The following STX18 variants were observed in gnomAD, a reference collection of about 807,000 sequenced individuals.
STX18 encodes syntaxin 18.
Under a neutral mutation model 50.1 loss-of-function variants are expected in STX18, and 40 were observed. That is an observed-to-expected ratio of 0.80 (90% confidence interval 0.62 to 1.04). The LOEUF (loss-of-function observed/expected upper bound fraction) is 1.04, where lower values mean the gene tolerates loss of function less well. Ranked by LOEUF, STX18 falls within the 50% of genes least tolerant of loss-of-function variation. The pLI is 0.00. For synonymous variants in STX18, 158 were observed against 151.8 expected (o/e 1.04, Z -0.30); for missense variants, 410 against 415.8 (o/e 0.99, Z 0.12).
chr4:4,456,591 G>T (rs1412220500), intron 5 of STX18, among the ~76,000 whole-genome samples: 1 of 152,194 alleles, frequency 6.6e-6, no homozygotes. Context: ...GTCCTTACCT[G>T]CTGACAGGGC....
chr4:4,494,822 C>T (rs1465761522), intron 1 of STX18, among the ~76,000 whole-genome samples: 1 of 152,084 alleles, frequency 6.6e-6, no homozygotes, highest in South Asian at 2.1e-4. Flanking sequence ...TCATTAGGAG[C>T]CCCACGTGTG....
At chr4:4,494,535 T>C (rs1349525359) in intron 1 of STX18, among the ~76,000 whole-genome samples, 1 of 152,216 alleles carries the variant, frequency 6.6e-6, no homozygotes, top group Non-Finnish European at 1.5e-5. Flanking sequence ...CCTCTAATAT[T>C]ATCACTTCTC....
At chr4:4,480,144 G>A (rs2014582332) in intron 1 of STX18, among the ~76,000 whole-genome samples, 1 of 152,228 alleles carries the variant, frequency 6.6e-6, no homozygotes, top group South Asian at 2.1e-4. Context: ...ATTGTAGGTG[G>A]TAAGATTTGG....
At chr4:4,499,050 G>A (rs932748388) in intron 1 of STX18, among the ~76,000 whole-genome samples, 14 of 152,202 alleles carry the variant, frequency 9.2e-5, no homozygotes, top group African/African-American at 3.4e-4. Flanking sequence ...CTTCTTAGGA[G>A]AGGAATAACA....
intron 1 of STX18, among the ~76,000 whole-genome samples, chr4:4,522,988 C>T (rs1730582730): frequency 6.6e-6 from 1 of 152,218 alleles, no homozygotes; most frequent in Non-Finnish European, 1.5e-5. Context: ...CATTCTATAG[C>T]ACTTCTTATG....
At chr4:4,535,057 C>T (rs1731268321) in intron 1 of STX18, among the ~76,000 whole-genome samples, 1 of 152,204 alleles carries the variant, frequency 6.6e-6, no homozygotes, top group Non-Finnish European at 1.5e-5. Context: ...CTGTTGTGTG[C>T]CACTGCCTTT....
At chr4:4,520,226 T>C (rs1433800970) in intron 1 of STX18, among the ~76,000 whole-genome samples, 1 of 152,198 alleles carries the variant, frequency 6.6e-6, no homozygotes, top group Admixed American at 6.5e-5. Context: ...AATAGTATTT[T>C]TGCATATAGC....
intron 1 of STX18, among the ~76,000 whole-genome samples, chr4:4,489,391 ATTTTTTTTTTT>A (rs34563523): frequency 2.2e-3 from 114 of 51,658 alleles, no homozygotes; most frequent in East Asian, 3.2e-3. Flanking sequence ...ATGCAAAATA[ATTTTTTTTTTT>A]TTTTTTTTTT....
intron 2 of STX18, among the ~76,000 whole-genome samples, chr4:4,460,427 C>G (rs1727320443): frequency 6.6e-6 from 1 of 152,038 alleles, no homozygotes; most frequent in South Asian, 2.1e-4. Flanking sequence ...ATCCCCCTCC[C>G]AAAGCCTTCT....
chr4:4,476,550 G>A (rs1363051134), intron 1 of STX18, among the ~76,000 whole-genome samples: 5 of 152,196 alleles, frequency 3.3e-5, no homozygotes, highest in African/African-American at 4.8e-5. Flanking sequence ...TGTTAAAGTC[G>A]TTTTAATGTC....
In STX18 at chr4:4,459,498, A is replaced by C. The variant is rs776486036; in HGVS notation, c.237-11T>G. 5 of 1,595,296 alleles carry C rather than the reference A, an allele frequency of 3.1e-6. No homozygotes were observed. Among genetic ancestry groups the C allele is most frequent in the Non-Finnish European group, 2.6e-6 (3 of 1,162,964 alleles). On this transcript the variant is annotated splice_polypyrimidine_tract_variant and intron_variant, in intron 2 of 10. Coordinates refer to ENST00000306200, the MANE Select transcript of STX18 (RefSeq NM_016930.4). The stretch of plus-strand genomic sequence containing the variant: ...TCAGACATGGTATGGCTAAAAAAAG[A>C]CAGCAAAGGAAAGGGCAGCAGCAAA...
At chr4:4,487,424 G>A (rs1404482163) in intron 1 of STX18, among the ~76,000 whole-genome samples, 2 of 152,286 alleles carry the variant, frequency 1.3e-5, no homozygotes, top group South Asian at 4.2e-4. Flanking sequence ...TAAACCCATT[G>A]TATAGACTAT....
chr4:4,457,932 G>A (rs1727169458), intron 3 of STX18, among the ~76,000 whole-genome samples: 1 of 152,100 alleles, frequency 6.6e-6, no homozygotes, highest in Admixed American at 6.5e-5. Context: ...CATTCTAAGG[G>A]TCCCTTAGAC....
chr4:4,534,385 T>C (rs1352635088), intron 1 of STX18, among the ~76,000 whole-genome samples: 2 of 152,246 alleles, frequency 1.3e-5, no homozygotes, highest in Admixed American at 1.3e-4. Context: ...CATTTAACTT[T>C]TCAACCAGAA....
At chr4:4,468,615 A>C (rs1727747262) in intron 2 of STX18, among the ~76,000 whole-genome samples, 1 of 152,088 alleles carries the variant, frequency 6.6e-6, no homozygotes, top group Non-Finnish European at 1.5e-5. Flanking sequence ...TAAAACTGAA[A>C]AGCCTATTTA....
chr4:4,420,236 T>C lies in STX18; in HGVS notation c.913-107A>G. On this transcript the variant is annotated intron_variant, in intron 10 of 10. Transcript: ENST00000306200. The surrounding 1 kb of genome is among the most constrained non-coding windows in gnomAD (Gnocchi z 4.3). The stretch of plus-strand genomic sequence containing the variant: ...GTGCTCTCCTGATCCTGGCTGTAAC[T>C]ATGGGTGTCGTTCCATCTGTGCTTA... 2 of 836,564 alleles carry C rather than the reference T, an allele frequency of 2.4e-6. No individual in the cohort carries two copies. The highest frequency in any genetic ancestry group is 3.9e-6 in the Non-Finnish European group (2 of 518,332). The allele number at this position is 836,564 out of a possible 1,614,324, so 51.8% of individuals were successfully genotyped here. A position where few individuals can be genotyped will look rare whatever the true frequency, so the allele number is the denominator to read the frequency against.
chr4:4,503,290 C>A (rs978725933), intron 1 of STX18, among the ~76,000 whole-genome samples: 1 of 152,068 alleles, frequency 6.6e-6, no homozygotes, highest in African/African-American at 2.4e-5. Context: ...TTGTCAGATT[C>A]TTTAAAAAAG....
intron 1 of STX18, among the ~76,000 whole-genome samples, chr4:4,477,658 C>T (rs190449585): frequency 1.3e-5 from 2 of 152,284 alleles, no homozygotes; most frequent in East Asian, 3.9e-4. Flanking sequence ...CCAATCCAGC[C>T]AGTCTAAGTA....
chr4:4,451,428 C>A (rs1726746317), intron 5 of STX18, among the ~76,000 whole-genome samples: 2 of 152,254 alleles, frequency 1.3e-5, no homozygotes, highest in Admixed American at 1.3e-4. Flanking sequence ...TTTCAGTATG[C>A]CTTGCTTTAT....
Sources: gnomAD v4.1 joint callset for allele counts (sites outside exome capture counted in the v4.1 genomes callset) on GRCh38, gnomAD v4.1.1 for gene constraint, Gnocchi (gnomAD v3.1) non-coding constraint, MANE v1.5 for transcripts, NCBI Gene and HGNC (gene_info 2026-07-23, HGNC 2026-07-21) for gene names.